CEP170: variants seen among roughly 807,000 people sequenced by gnomAD.
The protein encoded by CEP170 is centrosomal protein 170.
In CEP170, 21 loss-of-function variants were observed where a neutral mutation model predicts 151.9. That is an observed-to-expected ratio of 0.14 (90% confidence interval 0.10 to 0.20). The LOEUF (loss-of-function observed/expected upper bound fraction) is 0.20, where lower values mean the gene tolerates loss of function less well. Ranked by LOEUF, CEP170 falls within the 10% of genes least tolerant of loss-of-function variation. CEP170 has a pLI of 1.00. For synonymous variants in CEP170, 356 were observed against 648.8 expected, an observed-to-expected ratio of 0.55 and a Z score of 6.86; for missense variants, 964 against 1,892.9, an observed-to-expected ratio of 0.51 and a Z score of 9.11.
intron 4 of CEP170, among the ~76,000 whole-genome samples, chr1:243,202,666 A>T (rs1426700293): frequency 6.6e-6 from 1 of 152,032 alleles, no homozygotes; most frequent in Non-Finnish European, 1.5e-5. Context: ...GTGGTTACAG[A>T]TGTGAGTTCC....
rs761610456 is a variant in CEP170, at chr1:243,199,061, T to C, written c.630A>G (p.Ser210=). 6.8e-6 allele frequency: 11 copies of C among 1,608,954 alleles called. No individual in the cohort carries two copies. Among genetic ancestry groups the C allele is most frequent in the South Asian group, 1.1e-5 (1 of 90,664 alleles). ...TCACAGTGACTGAGATTTTTTTACC[T>C]GATGTTCCAGCTTCATGGTTTTTTT... ...PEEKNHEAGT[S]GCGIDAKQVE... The change falls in exon 7 of 20, where the codon TCA becomes TCG. Residue 210 remains serine, a splice_region_variant and synonymous_variant. Coordinates refer to ENST00000366542, the MANE Select transcript of CEP170 (RefSeq NM_014812.3).
chr1:243,170,684 C>T (rs1161167394), intron 11 of CEP170, among the ~76,000 whole-genome samples: 12 of 152,192 alleles, frequency 7.9e-5, no homozygotes, highest in Admixed American at 7.2e-4. Context: ...GTCCCAGCTA[C>T]TTGTGAGGCT....
At chr1:243,136,394 G>A in intron 16 of CEP170, 163 bp from the exon 17 acceptor site, 2 of 1,014,620 alleles carry the variant, frequency 2.0e-6, no homozygotes, top group Admixed American at 3.1e-5. Flanking sequence ...ACTAAAATGA[G>A]AAAGTGAAAG....
chr1:243,190,728 G>T (rs1330847784), intron 8 of CEP170, among the ~76,000 whole-genome samples: 1 of 151,940 alleles, frequency 6.6e-6, no homozygotes, highest in Non-Finnish European at 1.5e-5. Flanking sequence ...AACTCTACTG[G>T]TAAACTTAAT....
At chr1:243,156,582 C>T in intron 13 of CEP170, 127 bp from the exon 14 acceptor site, 3 of 786,562 alleles carry the variant, frequency 3.8e-6, no homozygotes, top group Non-Finnish European at 5.8e-6. Context: ...CTGACGTACA[C>T]ATACCTCACA....
chr1:243,207,182 G>C (rs2061480881), intron 4 of CEP170, among the ~76,000 whole-genome samples: 1 of 152,002 alleles, frequency 6.6e-6, no homozygotes, highest in African/African-American at 2.4e-5. Context: ...CTACTTTACA[G>C]GTAAAGACAA....
chr1:243,126,894 C>T (rs2053757203), intron 19 of CEP170, among the ~76,000 whole-genome samples, 156 bp from the exon 20 acceptor site: 1 of 152,174 alleles, frequency 6.6e-6, no homozygotes, highest in Admixed American at 6.5e-5. Context: ...CTTAGTTATT[C>T]TGTAGCTGTA....
intron 1 of CEP170, among the ~76,000 whole-genome samples, chr1:243,244,325 AC>A (rs2065149469): frequency 6.8e-6 from 1 of 146,326 alleles, no homozygotes; most frequent in South Asian, 2.3e-4. Flanking sequence ...ATCTAGAATA[AC>A]CCCCCTGCCC....
At chr1:243,222,852 G>A (rs1008088296) in intron 2 of CEP170, among the ~76,000 whole-genome samples, 1 of 152,184 alleles carries the variant, frequency 6.6e-6, no homozygotes, top group African/African-American at 2.4e-5. Context: ...CAGCTTGCCA[G>A]GAGCAGAAGC....
chr1:243,133,480 A>C (rs1467919470), intron 17 of CEP170, among the ~76,000 whole-genome samples: 1 of 152,226 alleles, frequency 6.6e-6, no homozygotes, highest in Non-Finnish European at 1.5e-5. Flanking sequence ...TAGTGGAACT[A>C]AAATAAAAAT....
intron 17 of CEP170, among the ~76,000 whole-genome samples, chr1:243,135,047 A>ATGTATT (rs2054882978): frequency 1.3e-5 from 2 of 152,182 alleles, no homozygotes; most frequent in Admixed American, 1.3e-4. Context: ...AACCATGTTG[A>ATGTATT]TGTATTACTT....
chr1:243,243,429 A>G (rs748179932), intron 1 of CEP170, among the ~76,000 whole-genome samples: 24 of 152,186 alleles, frequency 1.6e-4, no homozygotes, highest in Non-Finnish European at 3.2e-4. Flanking sequence ...AGATCAGAGA[A>G]ACAATATAAG....
chr1:243,223,506 C>G (rs913610424), intron 2 of CEP170, among the ~76,000 whole-genome samples: 1 of 152,180 alleles, frequency 6.6e-6, no homozygotes, highest in African/African-American at 2.4e-5. Flanking sequence ...ACTAAGTGAA[C>G]AACTTGTTTG....
intron 1 of CEP170, among the ~76,000 whole-genome samples, chr1:243,229,343 T>G (rs1470836827): frequency 6.6e-6 from 1 of 152,180 alleles, no homozygotes; most frequent in Non-Finnish European, 1.5e-5. Flanking sequence ...TGAATTAAAT[T>G]ACCAGTCCCT....
intron 4 of CEP170, among the ~76,000 whole-genome samples, chr1:243,205,916 A>G (rs1469870050): frequency 6.6e-6 from 1 of 152,018 alleles, no homozygotes; most frequent in Non-Finnish European, 1.5e-5. Flanking sequence ...AGGAACAAAA[A>G]AACAACAAAC....
intron 3 of CEP170, among the ~76,000 whole-genome samples, chr1:243,215,476 T>G (rs2062187772): frequency 6.6e-6 from 1 of 152,132 alleles, no homozygotes. Context: ...AAATGGCCAC[T>G]CTGGGAATGT....
At chr1:243,210,608 A>ATTTTTTTTTTTTTTTTTT (rs751388751) in intron 4 of CEP170, among the ~76,000 whole-genome samples, 13 of 67,954 alleles carry the variant, frequency 1.9e-4, no homozygotes, top group East Asian at 5.1e-4. Context: ...ATTTTTCGTA[A>ATTTTTTTTTTTTTTTTTT]TTTTTTTTTT....
intron 7 of CEP170, among the ~76,000 whole-genome samples, chr1:243,192,222 T>C (rs1257262722): frequency 6.6e-6 from 1 of 152,132 alleles, no homozygotes; most frequent in Non-Finnish European, 1.5e-5. Flanking sequence ...GAAGTTTACA[T>C]TTCCATACAG....
chr1:243,201,317 A>G (rs1270869359), intron 4 of CEP170, among the ~76,000 whole-genome samples: 1 of 152,122 alleles, frequency 6.6e-6, no homozygotes, highest in African/African-American at 2.4e-5. Context: ...GAAATGCTAT[A>G]ATTAGGGTCC....
Sources: gnomAD v4.1 joint callset for allele counts (sites outside exome capture counted in the v4.1 genomes callset) on GRCh38, gnomAD v4.1.1 for gene constraint, MANE v1.5 for transcripts, NCBI Gene and HGNC (gene_info 2026-07-23, HGNC 2026-07-21) for gene names.